The following SPOCK3 variants were observed in gnomAD, a reference collection of about 807,000 sequenced individuals.
The protein encoded by SPOCK3 is testican-3.
A neutral mutation model predicts 56.6 loss-of-function variants in SPOCK3; 30 were observed. That is an observed-to-expected ratio of 0.53 (90% CI 0.40 to 0.72). The LOEUF (loss-of-function observed/expected upper bound fraction) is 0.72, where lower values mean the gene tolerates loss of function less well. Ranked by LOEUF, SPOCK3 falls within the 30% of genes least tolerant of loss-of-function variation. SPOCK3 has a pLI of 0.00. For missense variants in SPOCK3, 527 were observed against 530.0 expected (o/e 0.99, Z 0.06); for synonymous variants, 196 against 183.3 (o/e 1.07, Z -0.56).
intron 3 of SPOCK3, among the ~76,000 whole-genome samples, chr4:167,043,313 T>C (rs1753398245): frequency 6.6e-6 from 1 of 152,134 alleles, no homozygotes. Flanking sequence ...TTTTGTATGA[T>C]AGCTCTGTAT....
At chr4:166,753,551 G>A (rs1736691875) in intron 8 of SPOCK3, among the ~76,000 whole-genome samples, 1 of 151,886 alleles carries the variant, frequency 6.6e-6, no homozygotes, top group South Asian at 2.1e-4. Flanking sequence ...CCTAATTACT[G>A]AACTATTACT....
At chr4:167,166,580 C>T (rs528637710) in intron 2 of SPOCK3, among the ~76,000 whole-genome samples, 10 of 152,004 alleles carry the variant, frequency 6.6e-5, no homozygotes, top group Non-Finnish European at 1.5e-4. Context: ...TATAAAAGCA[C>T]CTGTAAGGCT....
rs372877514 is a variant in SPOCK3, at chr4:167,132,382, TC to T, written c.190-69846del. Among the ~76,000 whole-genome samples, 31 of 152,292 alleles carry T rather than the reference TC, an allele frequency of 2.0e-4. No individual in the cohort carries two copies. In the East Asian group the frequency reaches 5.6e-3, roughly 28 times the overall value. On this transcript the variant is annotated intron_variant, in intron 2 of 10. Coordinates refer to ENST00000357545, the MANE Select transcript of SPOCK3 (RefSeq NM_001040159.2). ...CAAGCCAAATATCATAAATGACAAA[TC>T]ATGTCTCTAGAGATGAAAGTTCTGT...
At chr4:166,824,706 A>T (rs537867932) in intron 6 of SPOCK3, among the ~76,000 whole-genome samples, 4 of 152,232 alleles carry the variant, frequency 2.6e-5, no homozygotes. Context: ...AAGACTAAAG[A>T]TACAAGAATA....
At chr4:167,118,902 C>G (rs941951300) in intron 2 of SPOCK3, among the ~76,000 whole-genome samples, 70 of 152,232 alleles carry the variant, frequency 4.6e-4, no homozygotes, top group African/African-American at 1.6e-3. Context: ...TTCATCCCCC[C>G]TTCTACTATT....
At position 167,081,564 on chromosome 4, in the gene SPOCK3, A is replaced by G. The variant is rs572210936; in HGVS notation, c.190-19027T>C. 9.2e-5 allele frequency among the ~76,000 whole-genome samples: 14 copies of G among 152,194 alleles called. 2 individuals are homozygous for G. Among genetic ancestry groups the G allele is most frequent in the African/African-American group, 3.4e-4 (14 of 41,552 alleles). The stretch of plus-strand genomic sequence containing the variant: ...CTGCCACAACCCCACCAAAAAGGAA[A>G]AGCAAAACCAAGGATGGAAAAATAC... On this transcript the variant is annotated intron_variant, in intron 2 of 10. Transcript: ENST00000357545.
chr4:166,893,194 C>T (rs1734972169), intron 5 of SPOCK3, among the ~76,000 whole-genome samples: 1 of 152,150 alleles, frequency 6.6e-6, no homozygotes, highest in South Asian at 2.1e-4. Context: ...CAAATGTCAA[C>T]AGTGCCTAGA....
chr4:167,229,496 G>T (rs1350500418), intron 2 of SPOCK3, among the ~76,000 whole-genome samples: 1 of 152,110 alleles, frequency 6.6e-6, no homozygotes, highest in African/African-American at 2.4e-5. Flanking sequence ...GAAGTTGATA[G>T]ACCCTCGAGA....
intron 6 of SPOCK3, among the ~76,000 whole-genome samples, chr4:166,873,808 T>A (rs1369332010): frequency 9.2e-5 from 14 of 152,084 alleles, no homozygotes; most frequent in Non-Finnish European, 2.1e-4. Flanking sequence ...GGTTGGTAGT[T>A]GGGGAAGGGT....
At chr4:167,010,329 T>C (rs895436237) in intron 3 of SPOCK3, among the ~76,000 whole-genome samples, 4 of 151,934 alleles carry the variant, frequency 2.6e-5, no homozygotes, top group African/African-American at 9.7e-5. Context: ...GAGGCTACCC[T>C]GGGCAATATG....
intron 6 of SPOCK3, among the ~76,000 whole-genome samples, chr4:166,793,788 A>C (rs1469933442): frequency 1.3e-5 from 2 of 152,208 alleles, no homozygotes; most frequent in African/African-American, 4.8e-5. Context: ...CAGCATAGCA[A>C]CATAAAAATT....
At chr4:167,104,951 G>C (rs1759969535) in intron 2 of SPOCK3, among the ~76,000 whole-genome samples, 1 of 151,402 alleles carries the variant, frequency 6.6e-6, no homozygotes. Flanking sequence ...TTAAAGTGCT[G>C]AAGCAAGAAA....
intron 7 of SPOCK3, among the ~76,000 whole-genome samples, chr4:166,787,619 C>T (rs916184557): frequency 8.6e-5 from 13 of 152,042 alleles, no homozygotes; most frequent in Non-Finnish European, 1.2e-4. Context: ...CCTACTGTGA[C>T]GTTTTCTATA....
intron 2 of SPOCK3, among the ~76,000 whole-genome samples, chr4:167,213,754 TG>T (rs566588945): frequency 0.011 from 1,630 of 152,270 alleles, 26 homozygotes; most frequent in African/African-American, 0.031. Context: ...TGTTTGATGA[TG>T]AAATCCTAAA....
intron 4 of SPOCK3, among the ~76,000 whole-genome samples, chr4:166,947,581 A>G (rs1042475340): frequency 3.3e-5 from 5 of 152,160 alleles, no homozygotes; most frequent in African/African-American, 1.2e-4. Flanking sequence ...TTACAGTATC[A>G]TTGGCAATTT....
At chr4:166,946,348 T>A (rs551071888) in intron 4 of SPOCK3, among the ~76,000 whole-genome samples, 2 of 152,176 alleles carry the variant, frequency 1.3e-5, no homozygotes, top group Non-Finnish European at 2.9e-5. Flanking sequence ...TCTTACATAA[T>A]CAGACTCTTA....
chr4:166,788,466 CTTATTT>C (rs1421622956), intron 7 of SPOCK3, among the ~76,000 whole-genome samples: 2 of 151,874 alleles, frequency 1.3e-5, no homozygotes, highest in Admixed American at 6.6e-5. Context: ...CTTTTTATCT[CTTATTT>C]TTATAGTTTA....
chr4:166,968,693 C>T (rs760341183), intron 4 of SPOCK3, among the ~76,000 whole-genome samples: 1 of 137,544 alleles, frequency 7.3e-6, no homozygotes, highest in Admixed American at 6.8e-5. Flanking sequence ...ACTGCACAGG[C>T]AGAGGCCTCA....
At chr4:167,189,710 C>T (rs1321011957) in intron 2 of SPOCK3, among the ~76,000 whole-genome samples, 2 of 145,584 alleles carry the variant, frequency 1.4e-5, no homozygotes, top group Non-Finnish European at 3.0e-5. Context: ...CACACTCACA[C>T]ACTGTACATT....
Sources: gnomAD v4.1 joint callset for allele counts (sites outside exome capture counted in the v4.1 genomes callset) on GRCh38, gnomAD v4.1.1 for gene constraint, MANE v1.5 for transcripts, NCBI Gene and HGNC (gene_info 2026-07-23, HGNC 2026-07-21) for gene names.